Variants in SEMA3A observed in about 807,000 individuals in gnomAD.
SEMA3A encodes semaphorin-3A.
Under a neutral mutation model 97.9 loss-of-function variants are expected in SEMA3A, and 29 were observed. The ratio of observed to expected loss-of-function variants is 0.30; its 90% confidence interval spans 0.22 to 0.40. SEMA3A has a LOEUF of 0.40. SEMA3A is among the 10% of genes least tolerant of loss of function. The pLI is 1.00. For missense variants in SEMA3A, 763 were observed against 951.3 expected (o/e 0.80, Z 2.60); for synonymous variants, 321 against 323.7 (o/e 0.99, Z 0.09).
intron 1 of SEMA3A, among the ~76,000 whole-genome samples, chr7:84,489,525 A>T (rs1360506442): frequency 6.6e-6 from 1 of 152,164 alleles, no homozygotes; most frequent in Non-Finnish European, 1.5e-5. Context: ...AAAGCCCACT[A>T]ATGTTATTCA....
chr7:84,037,409 C>A (rs1238015908), intron 6 of SEMA3A, among the ~76,000 whole-genome samples: 2 of 152,012 alleles, frequency 1.3e-5, no homozygotes, highest in African/African-American at 4.8e-5. Flanking sequence ...CTCACTGCAG[C>A]CTTGACCTCC....
At chr7:84,300,034 A>G (rs1446017260) in intron 3 of SEMA3A, among the ~76,000 whole-genome samples, 1 of 119,864 alleles carries the variant, frequency 8.3e-6, no homozygotes, top group Non-Finnish European at 1.8e-5. Flanking sequence ...CTCAGTCACA[A>G]AAAAAAAAAA....
At chr7:84,218,655 T>C (rs1798804868) in intron 3 of SEMA3A, among the ~76,000 whole-genome samples, 1 of 152,132 alleles carries the variant, frequency 6.6e-6, no homozygotes, top group Non-Finnish European at 1.5e-5. Context: ...AATGACATTT[T>C]TTCTTAAAAA....
rs1050315871 is a variant in SEMA3A, at chr7:83,999,199, G to A, written c.1452+2756C>T. On this transcript the variant is annotated intron_variant, in intron 12 of 16. Transcript: ENST00000265362. Reference sequence around the variant, plus strand: ...TCCATAATGTTGTTATGCAGCGCATGACTATACTCGCAAGATTGTTGGTTT... The same window carrying A: ...TCCATAATGTTGTTATGCAGCGCATAACTATACTCGCAAGATTGTTGGTTT... Among the ~76,000 whole-genome samples, 22 of 152,094 alleles carry A rather than the reference G, an allele frequency of 1.4e-4. No homozygotes were observed. The East Asian group carries it at 4.2e-3, about 29-fold the overall frequency.
chr7:84,316,314 T>A (rs2115889455), intron 2 of SEMA3A, among the ~76,000 whole-genome samples: 1 of 151,984 alleles, frequency 6.6e-6, no homozygotes, highest in Non-Finnish European at 1.5e-5. Context: ...TGTAACCAAA[T>A]TAAATCCAAA....
chr7:84,006,872 T>C (rs1790689850), intron 10 of SEMA3A, among the ~76,000 whole-genome samples: 1 of 152,136 alleles, frequency 6.6e-6, no homozygotes, highest in African/African-American at 2.4e-5. Context: ...TGTCTATGTA[T>C]GTGTATATAC....
chr7:84,119,291 A>G (rs1033862763), intron 3 of SEMA3A, among the ~76,000 whole-genome samples: 2 of 152,128 alleles, frequency 1.3e-5, no homozygotes, highest in African/African-American at 2.4e-5. Flanking sequence ...TTTGCACCTA[A>G]TTTGAATGGA....
chr7:84,312,875 TATA>T (rs1801365328), intron 2 of SEMA3A, among the ~76,000 whole-genome samples: 3 of 12,834 alleles, frequency 2.3e-4, no homozygotes, highest in East Asian at 2.8e-3. Flanking sequence ...TGTTGTTTTA[TATA>T]TATATATATA....
chr7:83,960,567 C>T lies in SEMA3A; in HGVS notation c.*804G>A, dbSNP rs967107194. ...GTGTTTCTAGAACAATGTCATCTATCCCTCTTATAGAATTGAAAATAAAAT... is the reference window on the plus strand; with the variant it reads ...GTGTTTCTAGAACAATGTCATCTATTCCTCTTATAGAATTGAAAATAAAAT... On this transcript the variant is annotated 3_prime_UTR_variant, in exon 17 of 17. Coordinates refer to ENST00000265362, the MANE Select transcript of SEMA3A (RefSeq NM_006080.3). 2 of 152,390 alleles carry T rather than the reference C, an allele frequency of 1.3e-5. No individual in the cohort carries two copies. The highest frequency in any genetic ancestry group is 4.8e-5 in the African/African-American group (2 of 41,398). 9.4% of individuals were successfully genotyped at this position (152,390 alleles called of 1,614,324 possible). A position where few individuals can be genotyped will look rare whatever the true frequency, so the allele number is the denominator to read the frequency against.
chr7:84,374,842 C>T (rs1803059029), intron 1 of SEMA3A, among the ~76,000 whole-genome samples: 1 of 151,980 alleles, frequency 6.6e-6, no homozygotes, highest in South Asian at 2.1e-4. Context: ...GAATCAGAGG[C>T]TTAACTGTGC....
At chr7:84,138,660 C>T (rs187603081) in intron 1 of SEMA3A, among the ~76,000 whole-genome samples, 19 of 152,208 alleles carry the variant, frequency 1.2e-4, no homozygotes, top group Admixed American at 9.2e-4. Flanking sequence ...TATGTGTTAG[C>T]AGCTGTCTTC....
chr7:84,486,290 A>T (rs1245237615), intron 1 of SEMA3A, among the ~76,000 whole-genome samples: 3 of 152,232 alleles, frequency 2.0e-5, no homozygotes, highest in Non-Finnish European at 4.4e-5. Flanking sequence ...TGGGAGGCCA[A>T]GGAAGGAGAA....
intron 1 of SEMA3A, among the ~76,000 whole-genome samples, chr7:84,409,500 T>A (rs1804202375): frequency 2.0e-5 from 3 of 152,104 alleles, no homozygotes; most frequent in Non-Finnish European, 2.9e-5. Context: ...TGCCCTAATG[T>A]TTTTAGATCA....
chr7:83,995,241 G>A lies in SEMA3A; in HGVS notation c.1452+6714C>T, dbSNP rs375743061. 2.0e-4 allele frequency among the ~76,000 whole-genome samples: 30 copies of A among 152,178 alleles called. 1 individual carries two copies. The South Asian group carries it at 5.2e-3, about 26-fold the overall frequency. ...TGGCACTCCCTAGTGAGATGAACCCGGTACCTCAGATGGAAATGCAGAAAT... is the reference window on the plus strand; with the variant it reads ...TGGCACTCCCTAGTGAGATGAACCCAGTACCTCAGATGGAAATGCAGAAAT... On this transcript the variant is annotated intron_variant, in intron 12 of 16. Coordinates refer to ENST00000265362, the MANE Select transcript of SEMA3A (RefSeq NM_006080.3).
chr7:84,447,670 G>T (rs1805454216), intron 1 of SEMA3A, among the ~76,000 whole-genome samples: 1 of 152,180 alleles, frequency 6.6e-6, no homozygotes, highest in African/African-American at 2.4e-5. Flanking sequence ...GCTCAATAAA[G>T]CTTCTCTCCA....
intron 3 of SEMA3A, among the ~76,000 whole-genome samples, chr7:84,203,877 C>T (rs1022641282): frequency 1.3e-5 from 2 of 152,050 alleles, no homozygotes; most frequent in South Asian, 4.2e-4. Context: ...TTATGTTAAG[C>T]ATGTATTGGA....
intron 1 of SEMA3A, among the ~76,000 whole-genome samples, chr7:84,136,136 G>A (rs1796117751): frequency 6.6e-6 from 1 of 152,042 alleles, no homozygotes; most frequent in South Asian, 2.1e-4. Flanking sequence ...CTGAATCAGT[G>A]CTTTAGATTT....
chr7:84,287,256 T>G (rs547769679), intron 3 of SEMA3A, among the ~76,000 whole-genome samples: 1 of 152,128 alleles, frequency 6.6e-6, no homozygotes, highest in African/African-American at 2.4e-5. Context: ...ATATTGAAGA[T>G]GTACAATGTA....
At chr7:84,317,389 T>A (rs1208514924) in intron 2 of SEMA3A, among the ~76,000 whole-genome samples, 1 of 152,220 alleles carries the variant, frequency 6.6e-6, no homozygotes, top group Non-Finnish European at 1.5e-5. Flanking sequence ...GACAGCATAC[T>A]CTATCAAAAT....
Sources: allele counts gnomAD v4.1 joint callset (sites outside exome capture counted in the v4.1 genomes callset), GRCh38; gene constraint gnomAD v4.1.1; transcripts MANE v1.5; gene names NCBI Gene and HGNC (gene_info 2026-07-23, HGNC 2026-07-21).